The following EIF4E3 variants were observed in gnomAD, a reference collection of about 807,000 sequenced individuals.
EIF4E3 encodes the protein eukaryotic translation initiation factor 4E family member 3, also known as eukaryotic translation initiation factor 4E type 3.
Under a neutral mutation model 31.7 loss-of-function variants are expected in EIF4E3, and 26 were observed. The observed-to-expected ratio is 0.82, with a 90% CI of 0.60 to 1.14. The LOEUF (loss-of-function observed/expected upper bound fraction) is 1.14, where lower values mean the gene tolerates loss of function less well. Ranked by LOEUF, EIF4E3 falls within the 50% of genes most tolerant of loss-of-function variation. EIF4E3 has a pLI of 0.00. For synonymous variants in EIF4E3, 128 were observed against 107.7 expected (o/e 1.19, Z -1.17); for missense variants, 304 against 270.9 (o/e 1.12, Z -0.86).
chr3:71,686,706 A>G (rs1317792776), intron 6 of EIF4E3, among the ~76,000 whole-genome samples: 1 of 152,170 alleles, frequency 6.6e-6, no homozygotes, highest in African/African-American at 2.4e-5. Context: ...GTTTCCAAAC[A>G]ATAAATCCAG....
upstream of EIF4E3, chr3:71,725,437 G>GCCCCC (rs1371952118): frequency 1.2e-6 from 1 of 852,950 alleles, no homozygotes; most frequent in African/African-American, 2.0e-5. The surrounding 1 kb of genome is among the most constrained non-coding windows in gnomAD (Gnocchi z 6.1). Context: ...GTCACCCCCG[G>GCCCCC]CCCCCGCCCC....
At chr3:71,754,085 C>G, upstream of EIF4E3, 1 of 1,332,720 alleles carries the variant, frequency 7.5e-7, no homozygotes, top group Non-Finnish European at 9.7e-7. The surrounding 1 kb of genome is among the most constrained non-coding windows in gnomAD (Gnocchi z 5.8). Context: ...GCAGCGGCGG[C>G]GGCGAGGCGG....
chr3:71,726,534 A>G (rs1310980991), upstream of EIF4E3, among the ~76,000 whole-genome samples: 1 of 152,230 alleles, frequency 6.6e-6, no homozygotes, highest in Non-Finnish European at 1.5e-5. Context: ...GGCTTTGAAC[A>G]GTGAAGGGCG....
intron 5 of EIF4E3, among the ~76,000 whole-genome samples, chr3:71,691,951 G>A (rs1197148683): frequency 1.3e-5 from 2 of 152,172 alleles, no homozygotes; most frequent in Non-Finnish European, 2.9e-5. Flanking sequence ...TTGGGGAAAT[G>A]TTCATGTCTC....
At chr3:71,742,773 T>C (rs1452321632) in intron 1 of EIF4E3, among the ~76,000 whole-genome samples, 4 of 152,132 alleles carry the variant, frequency 2.6e-5, no homozygotes, top group Non-Finnish European at 4.4e-5. Flanking sequence ...ACAAAAAGGA[T>C]AGTAGTTCAT....
chr3:71,680,000 G>A lies in EIF4E3; in HGVS notation c.*4682C>T, dbSNP rs2048904679. 1 of 152,038 alleles carries A rather than the reference G, an allele frequency of 6.6e-6. No homozygotes were observed. Among genetic ancestry groups the A allele is most frequent in the Non-Finnish European group, 1.5e-5 (1 of 67,986 alleles). 9.4% of individuals were successfully genotyped at this position (152,038 alleles called of 1,614,324 possible). Reference sequence around the variant, plus strand: ...AGACTGAAATGGTATTTAGAAAAGAGAAAAACCACCACTCTGTATTAAAGG... The same window carrying A: ...AGACTGAAATGGTATTTAGAAAAGAAAAAAACCACCACTCTGTATTAAAGG... On this transcript the variant is annotated 3_prime_UTR_variant, in exon 7 of 7. Coordinates refer to ENST00000425534, the MANE Select transcript of EIF4E3 (RefSeq NM_001134651.2).
intron 6 of EIF4E3, 66 bp from the exon 7 acceptor site, chr3:71,684,794 A>G (rs897868641): frequency 2.5e-5 from 38 of 1,537,232 alleles, no homozygotes; most frequent in Non-Finnish European, 3.3e-5. Flanking sequence ...GGATGGGCCA[A>G]CCCTCCTCTA....
intron 1 of EIF4E3, among the ~76,000 whole-genome samples, chr3:71,713,677 T>C (rs548688265): frequency 1.5e-4 from 23 of 152,256 alleles, no homozygotes; most frequent in African/African-American, 5.3e-4. Flanking sequence ...CCTTAAGTGA[T>C]CCCACTGCTT....
chr3:71,692,426 G>C lies in EIF4E3; in HGVS notation c.472+1449C>G, dbSNP rs1454208302. Reference sequence around the variant, plus strand: ...ATTACCACTTAGACTATTTTTCCCTGGTTCTGGAAACAGGAATAATTCATG... The same window carrying C: ...ATTACCACTTAGACTATTTTTCCCTCGTTCTGGAAACAGGAATAATTCATG... On this transcript the variant is annotated intron_variant, in intron 5 of 6. Transcript: ENST00000425534. Among the ~76,000 whole-genome samples the C allele has an allele frequency of 2.0e-5, 3 of 152,134 alleles. No individual in the cohort carries two copies. The East Asian group carries it at 5.8e-4, about 29-fold the overall frequency.
At chr3:71,717,414 A>T (rs773792094) in intron 1 of EIF4E3, among the ~76,000 whole-genome samples, 23 of 152,316 alleles carry the variant, frequency 1.5e-4, no homozygotes, top group Admixed American at 3.9e-4. Context: ...CATCAAGAAG[A>T]AGTTATCCTT....
At chr3:71,732,711 C>A (rs1376183569) in intron 1 of EIF4E3, among the ~76,000 whole-genome samples, 1 of 152,192 alleles carries the variant, frequency 6.6e-6, no homozygotes, top group Non-Finnish European at 1.5e-5. Context: ...AAGGGGAGAG[C>A]CGGCAGGCCT....
At chr3:71,719,817 C>T (rs1051545883) in intron 1 of EIF4E3, among the ~76,000 whole-genome samples, 5 of 151,676 alleles carry the variant, frequency 3.3e-5, no homozygotes, top group East Asian at 1.9e-4. Context: ...AGTTTGAGAC[C>T]GGCCTGGGCA....
chr3:71,723,254 G>A (rs906171947), intron 1 of EIF4E3, among the ~76,000 whole-genome samples: 1 of 152,144 alleles, frequency 6.6e-6, no homozygotes, highest in Non-Finnish European at 1.5e-5. Flanking sequence ...AAGGGGGAGA[G>A]GGGCACCCTA....
chr3:71,722,053 G>A (rs1029391973), intron 1 of EIF4E3, among the ~76,000 whole-genome samples: 1 of 72,646 alleles, frequency 1.4e-5, no homozygotes, highest in Non-Finnish European at 2.6e-5. Flanking sequence ...AGGAAGAGCT[G>A]CAAAGCTTTA....
intron 1 of EIF4E3, among the ~76,000 whole-genome samples, chr3:71,737,470 G>T (rs920132212): frequency 2.0e-5 from 3 of 152,102 alleles, no homozygotes; most frequent in Non-Finnish European, 4.4e-5. Context: ...TGAGCCACCT[G>T]CTTTTAGAGA....
At chr3:71,714,242 A>AAGGAAGGAAGGAAGGAAGGAAGG (rs1559602441) in intron 1 of EIF4E3, among the ~76,000 whole-genome samples, 1 of 131,938 alleles carries the variant, frequency 7.6e-6, no homozygotes, top group African/African-American at 3.1e-5. Flanking sequence ...GGGAAGAAGG[A>AAGGAAGGAAGGAAGGAAGGAAGG]AAGGAAGGAA....
At chr3:71,689,314 TC>T (rs1448845815) in intron 6 of EIF4E3, among the ~76,000 whole-genome samples, 5 of 152,240 alleles carry the variant, frequency 3.3e-5, no homozygotes, top group African/African-American at 9.6e-5. Context: ...TTTCTCTAAC[TC>T]TGTTAAATGT....
chr3:71,674,650 A>T (rs2048863358), downstream of EIF4E3, among the ~76,000 whole-genome samples: 1 of 152,164 alleles, frequency 6.6e-6, no homozygotes, highest in Non-Finnish European at 1.5e-5. Context: ...TTGTTGTAGG[A>T]CCTCAAACAA....
intron 1 of EIF4E3, among the ~76,000 whole-genome samples, chr3:71,739,696 G>A (rs1332707576): frequency 1.4e-5 from 2 of 146,972 alleles, no homozygotes; most frequent in Admixed American, 6.8e-5. Flanking sequence ...GACTCTGTCT[G>A]AAAAAAAAAA....
Sources: allele counts gnomAD v4.1 joint callset (sites outside exome capture counted in the v4.1 genomes callset), GRCh38; gene constraint gnomAD v4.1.1; non-coding constraint Gnocchi (gnomAD v3.1); transcripts MANE v1.5; gene names NCBI Gene and HGNC (gene_info 2026-07-23, HGNC 2026-07-21).